Variants in RSPO4 observed in about 807,000 individuals in gnomAD.
RSPO4 encodes the protein R-spondin-4.
In RSPO4, 23 loss-of-function variants were observed where a neutral mutation model predicts 24.8. The ratio of observed to expected loss-of-function variants is 0.93; its 90% CI spans 0.67 to 1.31. RSPO4 has a LOEUF of 1.31. RSPO4 is among the 40% of genes most tolerant of loss of function. The probability of loss-of-function intolerance (pLI) is 0.00; values close to 1 mark genes in which losing one functional copy is unlikely to be tolerated. For synonymous variants in RSPO4, 141 were observed against 127.4 expected, an observed-to-expected ratio of 1.11 and a Z score of -0.72; for missense variants, 333 against 316.5, an observed-to-expected ratio of 1.05 and a Z score of -0.39.
intron 1 of RSPO4, among the ~76,000 whole-genome samples, chr20:986,178 C>T (rs1423844616): frequency 6.6e-6 from 1 of 152,174 alleles, no homozygotes; most frequent in Non-Finnish European, 1.5e-5. Context: ...GCTCAGTAAT[C>T]ACACCTGTGT....
chr20:974,019 C>A (rs1984489308), intron 1 of RSPO4, among the ~76,000 whole-genome samples: 1 of 152,170 alleles, frequency 6.6e-6, no homozygotes, highest in Non-Finnish European at 1.5e-5. Flanking sequence ...TCTCTCTACC[C>A]CCTGCCCTAA....
chr20:976,272 T>G (rs147531578), intron 1 of RSPO4, among the ~76,000 whole-genome samples: 1 of 152,320 alleles, frequency 6.6e-6, no homozygotes, highest in East Asian at 1.9e-4. Context: ...ACCCTTGTCC[T>G]CTTTCCCAGG....
chr20:999,332 C>T lies in RSPO4; in HGVS notation c.79+2754G>A, dbSNP rs180956350. Among the ~76,000 whole-genome samples, 688 of 152,208 alleles carry T rather than the reference C, an allele frequency of 4.5e-3. 2 individuals carry two copies. The highest frequency in any genetic ancestry group is 0.016 in the African/African-American group (670 of 41,516). ...ACCTGGGTTACACTGTCTGTCTCCA[C>T]CTCTTCAGCATGCTCTGATAAGTCT... is the stretch of plus-strand genomic sequence containing the variant. On this transcript the variant is annotated intron_variant, in intron 1 of 4. Transcript: ENST00000217260.
At chr20:964,213 A>G in intron 3 of RSPO4, 93 bp from the exon 4 acceptor site, 1 of 975,104 alleles carries the variant, frequency 1.0e-6, no homozygotes, top group Non-Finnish European at 1.5e-6. Flanking sequence ...TGAGGGGTTC[A>G]GTCCTCTGAA....
At position 1,002,024 on chromosome 20, in the gene RSPO4, CTCCGGCCCCCGGTCT is replaced by C. The variant is rs1985482835; in HGVS notation, c.79+47_79+61del. 1 of 1,441,798 alleles carries C rather than the reference CTCCGGCCCCCGGTCT, an allele frequency of 6.9e-7. No individual in the cohort carries two copies. Among genetic ancestry groups the C allele is most frequent in the Non-Finnish European group, 9.5e-7 (1 of 1,054,958 alleles). 89.3% of individuals were successfully genotyped at this position (1,441,798 alleles called of 1,614,324 possible). A position where few individuals can be genotyped will look rare whatever the true frequency, so the allele number is the denominator to read the frequency against. On this transcript the variant is annotated intron_variant, in intron 1 of 4. Transcript: ENST00000217260. The surrounding 1 kb of genome is among the most constrained non-coding windows in gnomAD (Gnocchi z 4.6). Reference sequence around the variant, plus strand: ...GCCCCCAGAGCCGCCGCCCCCGGTCCTCCGGCCCCCGGTCTGCCCCGCAGCGCCTGCCCGGCCGCC... The same window carrying C: ...GCCCCCAGAGCCGCCGCCCCCGGTCCGCCCCGCAGCGCCTGCCCGGCCGCC...
At position 967,294 on chromosome 20, in the gene RSPO4, T is replaced by C. The variant is rs1240327764; in HGVS notation, c.289A>G (p.Ser97Gly). ...ATGCAGAAGTCCTGGCTGAAGCAGC[T>C]CTCACAAGTGGCCCCACATTCTGTA... is the stretch of plus-strand genomic sequence containing the variant. ...RCKKCGATCE[S>G]CFSQDFCIRC... Residue 97 changes from serine (S) to glycine (G), a missense_variant, in exon 3 of 5, where the codon AGC (serine) becomes GGC (glycine). Physicochemically the swap from Ser to Gly is moderately conservative, Grantham distance 56. Transcript: ENST00000217260. The C allele has an allele frequency of 6.2e-7, 1 of 1,614,184 alleles. No homozygotes were observed. The highest frequency in any genetic ancestry group is 8.5e-7 in the Non-Finnish European group (1 of 1,180,042).
chr20:977,687 A>G (rs1245971878), intron 1 of RSPO4, among the ~76,000 whole-genome samples: 1 of 152,172 alleles, frequency 6.6e-6, no homozygotes, highest in Non-Finnish European at 1.5e-5. Flanking sequence ...ACATCATGTC[A>G]TGGTGAACTA....
chr20:998,715 A>T (rs1985373180), intron 1 of RSPO4, among the ~76,000 whole-genome samples: 2 of 152,148 alleles, frequency 1.3e-5, no homozygotes, highest in Admixed American at 6.5e-5. Flanking sequence ...GCAGCTCCCC[A>T]AGGACAGGCC....
intron 1 of RSPO4, among the ~76,000 whole-genome samples, chr20:995,636 G>A (rs1985255473): frequency 1.3e-5 from 2 of 152,178 alleles, no homozygotes; most frequent in Non-Finnish European, 2.9e-5. Context: ...ATTGTTTGGA[G>A]CTCCAGAGAC....
intron 1 of RSPO4, among the ~76,000 whole-genome samples, chr20:994,364 T>G (rs1985206437): frequency 6.6e-6 from 1 of 152,162 alleles, no homozygotes; most frequent in African/African-American, 2.4e-5. Flanking sequence ...GGACTAGCCT[T>G]GAGGCCATGA....
At chr20:982,099 C>T (rs1428368149) in intron 1 of RSPO4, among the ~76,000 whole-genome samples, 1 of 152,168 alleles carries the variant, frequency 6.6e-6, no homozygotes, top group Non-Finnish European at 1.5e-5. Context: ...TTTTTGGATT[C>T]CTCATCATTC....
intron 1 of RSPO4, among the ~76,000 whole-genome samples, chr20:998,940 C>G (rs930127706): frequency 6.0e-5 from 9 of 150,914 alleles, no homozygotes; most frequent in Non-Finnish European, 1.2e-4. Flanking sequence ...GAGAAATGGT[C>G]TCTGATGTGT....
At chr20:991,531 A>G (rs1230986751) in intron 1 of RSPO4, among the ~76,000 whole-genome samples, 3 of 152,212 alleles carry the variant, frequency 2.0e-5, no homozygotes, top group Admixed American at 1.3e-4. Flanking sequence ...TAAAAGTGGG[A>G]AAAATAAAAA....
chr20:966,086 G>A (rs1279219147), intron 3 of RSPO4, among the ~76,000 whole-genome samples: 1 of 152,150 alleles, frequency 6.6e-6, no homozygotes, highest in Non-Finnish European at 1.5e-5. Context: ...AGTGGGAGTG[G>A]AAAGAAGGCA....
At chr20:985,064 C>T (rs564336904) in intron 1 of RSPO4, among the ~76,000 whole-genome samples, 22 of 137,556 alleles carry the variant, frequency 1.6e-4, no homozygotes, top group South Asian at 4.7e-4. Context: ...CCCATCTATC[C>T]ATCCACCAAC....
rs1263044561 is a variant in RSPO4, at chr20:964,029, T to C, written c.501A>G (p.Val167=). The change falls in exon 4 of 5, where the codon GTA becomes GTG. Residue 167 remains valine, a synonymous_variant. Coordinates refer to ENST00000217260, the MANE Select transcript of RSPO4 (RefSeq NM_001029871.4). ...CATGCCCAGCCCGGCCAGCCTCTCG[T>C]ACCCGGCTCTCCAGGCCCCAAGCCG... ...CGSAWGLESR[V]REAGRAGHEE... is the part of the protein sequence containing the mutation. 2 of 1,613,782 alleles carry C rather than the reference T, an allele frequency of 1.2e-6. No individual in the cohort carries two copies. Among genetic ancestry groups the C allele is most frequent in the African/African-American group, 1.3e-5 (1 of 75,062 alleles).
At chr20:992,647 C>G (rs1225754322) in intron 1 of RSPO4, among the ~76,000 whole-genome samples, 2 of 152,084 alleles carry the variant, frequency 1.3e-5, no homozygotes, top group Non-Finnish European at 2.9e-5. Context: ...CTTATTGTCC[C>G]CATTGTATTG....
In RSPO4 at chr20:968,065, C is replaced by CT; in HGVS notation, c.152dup (p.Gln52AlafsTer45). On this transcript the variant is annotated frameshift_variant, in exon 2 of 5. Coordinates refer to ENST00000217260, the MANE Select transcript of RSPO4 (RefSeq NM_001029871.4). LOFTEE classifies it high-confidence loss of function. ...GGCGGATGAACAGGAAGAGCCTCTG[C>CT]TGGCAGGTGGAACAGCCGTTCTCCT... is the stretch of plus-strand genomic sequence containing the variant. 6.2e-7 allele frequency: 1 copy of CT among 1,614,226 alleles called. No individual in the cohort carries two copies. Among genetic ancestry groups the CT allele is most frequent in the Non-Finnish European group, 8.5e-7 (1 of 1,180,042 alleles).
intron 1 of RSPO4, among the ~76,000 whole-genome samples, chr20:991,758 A>T (rs1270717975): frequency 2.0e-5 from 3 of 152,090 alleles, no homozygotes. Context: ...TAAAATTAAT[A>T]AAAACAAAAA....
Sources: gnomAD v4.1 joint callset for allele counts (sites outside exome capture counted in the v4.1 genomes callset) on GRCh38, gnomAD v4.1.1 for gene constraint, Gnocchi (gnomAD v3.1) non-coding constraint, MANE v1.5 for transcripts, NCBI Gene and HGNC (gene_info 2026-07-23, HGNC 2026-07-21) for gene names.